ATAD2B: variants seen among roughly 807,000 people sequenced by gnomAD.
ATAD2B encodes ATPase family AAA domain-containing protein 2B.
In ATAD2B, 40 loss-of-function variants were observed where a neutral mutation model predicts 167.6. That is an observed-to-expected ratio of 0.24 (90% CI 0.19 to 0.31). The LOEUF (loss-of-function observed/expected upper bound fraction) is 0.31. Ranked by LOEUF, ATAD2B falls within the 10% of genes least tolerant of loss-of-function variation. ATAD2B has a pLI of 1.00. For synonymous variants in ATAD2B, 579 were observed against 596.5 expected (o/e 0.97, Z 0.43); for missense variants, 1,242 against 1,757.2 (o/e 0.71, Z 5.24).
chr2:23,743,310 T>C, the ATAD2B span, among the ~76,000 whole-genome samples: 1 of 152,168 alleles, frequency 6.6e-6, no homozygotes, highest in South Asian at 2.1e-4. Context: ...CTCATGCCTG[T>C]AATCCCAGCA....
intron 8 of ATAD2B, chr2:23,872,600 C>A (rs1487927865): frequency 7.7e-7 from 1 of 1,293,700 alleles, no homozygotes; most frequent in African/African-American, 1.5e-5. Flanking sequence ...GCGATCCTTA[C>A]TAATGTTGCT....
At chr2:23,707,286 A>G in the ATAD2B span, 1 of 152,208 alleles carries the variant, frequency 6.6e-6, no homozygotes, top group Non-Finnish European at 1.5e-5. Context: ...TGTCCTTCAC[A>G]GGTTTTTCTA....
At chr2:23,926,083 C>G (rs191440723) in intron 1 of ATAD2B, among the ~76,000 whole-genome samples, 2 of 152,314 alleles carry the variant, frequency 1.3e-5, no homozygotes, top group East Asian at 1.9e-4. Flanking sequence ...CTGTTCACTT[C>G]CTCACCAACT....
chr2:23,796,241 G>A (rs1001461637), intron 19 of ATAD2B, among the ~76,000 whole-genome samples: 12 of 152,126 alleles, frequency 7.9e-5, no homozygotes, highest in Admixed American at 6.5e-5. Flanking sequence ...AGACAAAAGC[G>A]AGAGGGAAAG....
At chr2:23,805,191 AT>A (rs1684178237) in intron 18 of ATAD2B, among the ~76,000 whole-genome samples, 1 of 151,992 alleles carries the variant, frequency 6.6e-6, no homozygotes, top group African/African-American at 2.4e-5. Context: ...TTTCAAAGTG[AT>A]TTTTTTCATC....
chr2:23,834,972 G>A (rs1047196169), intron 13 of ATAD2B, among the ~76,000 whole-genome samples: 1 of 152,122 alleles, frequency 6.6e-6, no homozygotes, highest in Non-Finnish European at 1.5e-5. Flanking sequence ...CACATCAATA[G>A]TCATTAAGCA....
chr2:23,799,390 T>C (rs1367873946), intron 18 of ATAD2B, among the ~76,000 whole-genome samples: 1 of 151,736 alleles, frequency 6.6e-6, no homozygotes. Flanking sequence ...CTGTCCAACA[T>C]GGTGAAATTC....
At chr2:23,678,873 C>G in the ATAD2B span, among the ~76,000 whole-genome samples, 6 of 152,006 alleles carry the variant, frequency 3.9e-5, no homozygotes, top group Non-Finnish European at 8.8e-5. Flanking sequence ...CTCATAGAGA[C>G]AGAAAGTAGA....
rs557697136 is a variant in ATAD2B, at chr2:23,852,439, T to A, written c.1568+4976A>T. ...CACACCCAGTGTATATCTCATCTAA[T>A]ACACATCAAAATTACCTGATTCCAA... On this transcript the variant is annotated intron_variant, in intron 13 of 27. Transcript: ENST00000238789. 3.3e-5 allele frequency among the ~76,000 whole-genome samples: 5 copies of A among 152,232 alleles called. No individual in the cohort carries two copies. In the South Asian group the frequency reaches 6.2e-4, roughly 19 times the overall value.
chr2:23,892,522 A>G (rs1699681375), intron 2 of ATAD2B, among the ~76,000 whole-genome samples: 1 of 147,090 alleles, frequency 6.8e-6, no homozygotes, highest in Non-Finnish European at 1.5e-5. Flanking sequence ...TCCAGGCTAG[A>G]GTGCAGTGGT....
chr2:23,926,866 G>C lies in ATAD2B; in HGVS notation c.-96C>G. On this transcript the variant is annotated 5_prime_UTR_variant, in exon 1 of 28. Coordinates refer to ENST00000238789, the MANE Select transcript of ATAD2B (RefSeq NM_017552.4). ...AGTCAGGGCCAGCGGAGCCGAGCCG[G>C]GCAATGAGAGACGAGCCGGCCCGGA... 5.0e-6 allele frequency: 7 copies of C among 1,393,868 alleles called. No individual in the cohort carries two copies. Among genetic ancestry groups the C allele is most frequent in the Non-Finnish European group, 4.7e-6 (5 of 1,059,404 alleles). 86.3% of individuals were successfully genotyped at this position (1,393,868 alleles called of 1,614,324 possible). A position where few individuals can be genotyped will look rare whatever the true frequency, so the allele number is the denominator to read the frequency against.
intron 22 of ATAD2B, among the ~76,000 whole-genome samples, chr2:23,781,142 T>A (rs1558522591): frequency 6.6e-6 from 1 of 151,810 alleles, no homozygotes; most frequent in Non-Finnish European, 1.5e-5. Flanking sequence ...AAGTGGCTCC[T>A]GACAGCCAGG....
At chr2:23,918,297 G>A (rs963656198) in intron 1 of ATAD2B, among the ~76,000 whole-genome samples, 12 of 151,762 alleles carry the variant, frequency 7.9e-5, no homozygotes, top group East Asian at 7.7e-4. Context: ...ACTGAACTCA[G>A]GAGGTCAAGG....
chr2:23,830,858 G>A (rs1486930410), intron 14 of ATAD2B, among the ~76,000 whole-genome samples: 2 of 151,066 alleles, frequency 1.3e-5, no homozygotes, highest in Non-Finnish European at 2.9e-5. Context: ...TAAAGAACAT[G>A]TAAAAAAAAA....
At chr2:23,706,216 G>C in the ATAD2B span, among the ~76,000 whole-genome samples, 74,599 of 152,096 alleles carry the variant, frequency 0.49, 18,962 homozygotes, top group East Asian at 0.79. Context: ...TCGTCTCCTA[G>C]CCATGGTTAG....
Position 23,868,023 on chromosome 2 carries a change from T to C in ATAD2B, c.1077-77A>G. Reference sequence around the variant, plus strand: ...AATGTCAAAATAAGTTTACATTCTTTGATGTGTCTTCATCTTTCTCCTTTT... The same window carrying C: ...AATGTCAAAATAAGTTTACATTCTTCGATGTGTCTTCATCTTTCTCCTTTT... On this transcript the variant is annotated intron_variant, in intron 9 of 27. Coordinates refer to ENST00000238789, the MANE Select transcript of ATAD2B (RefSeq NM_017552.4). 3.3e-6 allele frequency: 3 copies of C among 909,152 alleles called. No individual in the cohort carries two copies. In the South Asian group the frequency reaches 4.3e-5, roughly 13 times the overall value. The allele number at this position is 909,152 out of a possible 1,614,324, so 56.3% of individuals were successfully genotyped here.
chr2:23,738,877 A>G, the ATAD2B span, among the ~76,000 whole-genome samples: 2 of 152,128 alleles, frequency 1.3e-5, no homozygotes, highest in African/African-American at 4.8e-5. Flanking sequence ...AATGGAAAAC[A>G]AAAAAAGGCA....
chr2:23,866,989 G>A (rs1298960287), intron 10 of ATAD2B, among the ~76,000 whole-genome samples: 2 of 152,012 alleles, frequency 1.3e-5, no homozygotes, highest in Non-Finnish European at 2.9e-5. Context: ...TCTTCCCCAG[G>A]TGTGATCGAT....
At chr2:23,706,979 T>G in the ATAD2B span, 1 of 241,738 alleles carries the variant, frequency 4.1e-6, no homozygotes, top group Admixed American at 5.7e-5. Flanking sequence ...AGAAGCTGTT[T>G]TTTCCTTCCT....
Sources: allele counts gnomAD v4.1 joint callset (sites outside exome capture counted in the v4.1 genomes callset), GRCh38; gene constraint gnomAD v4.1.1; transcripts MANE v1.5; gene names NCBI Gene and HGNC (gene_info 2026-07-23, HGNC 2026-07-21).